The following FAAH2 variants were observed in gnomAD, a reference collection of about 807,000 sequenced individuals.
FAAH2 encodes the protein fatty acid amide hydrolase 2.
Under a neutral mutation model 36.9 loss-of-function variants are expected in FAAH2, and 60 were observed. That is an observed-to-expected ratio of 1.63 (90% confidence interval 1.32 to 2.02). The LOEUF (loss-of-function observed/expected upper bound fraction) is 2.02. FAAH2 is among the 30% of genes most tolerant of loss of function. FAAH2 has a pLI of 0.00. For missense variants in FAAH2, 689 were observed against 397.5 expected (o/e 1.73, Z -6.23); for synonymous variants, 214 against 143.8 (o/e 1.49, Z -3.49).
the FAAH2 span, among the ~76,000 whole-genome samples, chrX:57,175,135 C>A: frequency 9.0e-6 from 1 of 111,582 alleles, no homozygotes; most frequent in Non-Finnish European, 1.9e-5. Context: ...CATTGACTTT[C>A]TGCTTCAATG....
chrX:57,293,397 C>T (rs2052043339), intron 2 of FAAH2, among the ~76,000 whole-genome samples: 2 of 111,987 alleles, frequency 1.8e-5, no homozygotes, highest in African/African-American at 6.5e-5. Flanking sequence ...ATAAGTACTG[C>T]ATCAAATGGA....
chrX:57,272,167 C>T, the FAAH2 span, among the ~76,000 whole-genome samples: 1 of 105,083 alleles, frequency 9.5e-6, no homozygotes, highest in Non-Finnish European at 1.9e-5. Flanking sequence ...TGAAGACCAA[C>T]TTAATGAAAT....
At chrX:57,356,468 T>G (rs982437348) in intron 5 of FAAH2, among the ~76,000 whole-genome samples, 1 of 111,308 alleles carries the variant, frequency 9.0e-6, no homozygotes, top group African/African-American at 3.2e-5. Context: ...TCTCTCTTCA[T>G]GATTCACTCT....
chrX:57,383,040 G>A (rs1177627049), intron 7 of FAAH2, among the ~76,000 whole-genome samples: 8 of 111,578 alleles, frequency 7.2e-5, no homozygotes, highest in East Asian at 2.8e-4. Flanking sequence ...ATCAATAAAC[G>A]TAATCCAGCA....
intron 3 of FAAH2, among the ~76,000 whole-genome samples, chrX:57,321,053 T>C (rs1483142812): frequency 8.3e-5 from 9 of 108,789 alleles, no homozygotes. Flanking sequence ...GGCAGGAGAA[T>C]GGCGTGAATC....
chrX:57,341,099 C>G, intron 4 of FAAH2, among the ~76,000 whole-genome samples, 172 bp from the exon 5 acceptor site: 1 of 111,952 alleles, frequency 8.9e-6, no homozygotes, highest in Non-Finnish European at 1.9e-5. Flanking sequence ...TTAATATTCT[C>G]AAGTAATATA....
intron 5 of FAAH2, among the ~76,000 whole-genome samples, chrX:57,354,738 A>G (rs1398024204): frequency 9.0e-6 from 1 of 111,019 alleles, no homozygotes; most frequent in Non-Finnish European, 1.9e-5. Flanking sequence ...AAGGGAACAT[A>G]TGAAAATATT....
At chrX:57,292,624 T>G (rs745958712) in intron 2 of FAAH2, 44 bp downstream of exon 2, 3 of 1,076,007 alleles carry the variant, frequency 2.8e-6, no homozygotes, top group Admixed American at 4.6e-5. Context: ...TGGTGGTTTT[T>G]GTTCTACTTC....
intron 7 of FAAH2, chrX:57,393,116 T>C (rs1385686864): frequency 4.0e-6 from 4 of 1,005,418 alleles, no homozygotes; most frequent in African/African-American, 1.9e-5. Context: ...AAAAGCCCTC[T>C]GTTCTCTGGA....
At chrX:57,399,796 G>A (rs1200843416) in intron 7 of FAAH2, among the ~76,000 whole-genome samples, 2 of 112,055 alleles carry the variant, frequency 1.8e-5, no homozygotes, top group African/African-American at 6.5e-5. Flanking sequence ...CATATTTAGA[G>A]TCTGTATATA....
the FAAH2 span, among the ~76,000 whole-genome samples, chrX:57,149,737 AT>A: frequency 1.1e-4 from 12 of 108,537 alleles, no homozygotes; most frequent in South Asian, 7.9e-4. Flanking sequence ...TTTTGAAGGG[AT>A]TTTTTTTTGT....
chrX:57,433,582 A>G (rs1015045573), intron 8 of FAAH2, among the ~76,000 whole-genome samples: 3 of 112,309 alleles, frequency 2.7e-5, no homozygotes, highest in African/African-American at 9.7e-5. Context: ...TAACTGAAGT[A>G]TCCAACAGTT....
the FAAH2 span, among the ~76,000 whole-genome samples, chrX:57,153,878 G>A: frequency 8.9e-6 from 1 of 112,528 alleles, no homozygotes. Flanking sequence ...GGTGTTCTTT[G>A]AGCTTCTTGT....
the FAAH2 span, among the ~76,000 whole-genome samples, chrX:57,151,319 T>C: frequency 1.8e-5 from 2 of 112,142 alleles, no homozygotes; most frequent in African/African-American, 6.5e-5. Flanking sequence ...CCTTGCTAGA[T>C]TGGGGAAGTT....
chrX:57,488,251 G>A (rs1332275734), intron 10 of FAAH2, among the ~76,000 whole-genome samples: 3 of 111,602 alleles, frequency 2.7e-5, no homozygotes, highest in Non-Finnish European at 5.7e-5. Context: ...TTTTATAACA[G>A]CATGAATGAG....
chrX:57,210,913 A>G, the FAAH2 span, among the ~76,000 whole-genome samples: 1 of 112,893 alleles, frequency 8.9e-6, no homozygotes, highest in South Asian at 3.6e-4. Context: ...TGCATGCTAA[A>G]TAGTCAATGC....
chrX:57,438,169 A>C (rs1186370642), intron 8 of FAAH2, among the ~76,000 whole-genome samples: 2 of 105,754 alleles, frequency 1.9e-5, no homozygotes, highest in African/African-American at 6.8e-5. Flanking sequence ...ACACACATAT[A>C]CACAGTAGTT....
At chrX:57,486,268 A>G (rs188105739) in intron 10 of FAAH2, among the ~76,000 whole-genome samples, 2 of 111,696 alleles carry the variant, frequency 1.8e-5, no homozygotes, top group South Asian at 7.6e-4. Context: ...ATATTCATGG[A>G]TCAGCACTTG....
At chrX:57,335,747 G>A (rs1266032055) in intron 4 of FAAH2, among the ~76,000 whole-genome samples, 1 of 111,651 alleles carries the variant, frequency 9.0e-6, no homozygotes, top group African/African-American at 3.3e-5. Flanking sequence ...CCCTTCCCAC[G>A]AGGCCATATT....
Sources: allele counts gnomAD v4.1 joint callset (sites outside exome capture counted in the v4.1 genomes callset), GRCh38; gene constraint gnomAD v4.1.1; transcripts MANE v1.5; gene names NCBI Gene and HGNC (gene_info 2026-07-23, HGNC 2026-07-21).